Variants in CC2D2B observed in about 807,000 individuals in gnomAD.
CC2D2B encodes coiled-coil and C2 domain containing 2B, also known as protein CC2D2B.
A neutral mutation model predicts 161.2 loss-of-function variants in CC2D2B; 128 were observed. That is an observed-to-expected ratio of 0.79 (90% CI 0.69 to 0.92). The LOEUF is 0.92. Among genes scored for constraint, CC2D2B ranks in the 40% least tolerant of loss-of-function variants. The pLI is 0.00. For missense variants in CC2D2B, 1,173 were observed against 1,375.1 expected, an observed-to-expected ratio of 0.85 and a Z score of 2.32; for synonymous variants, 391 against 449.8, an observed-to-expected ratio of 0.87 and a Z score of 1.65.
At chr10:95,918,274 C>T (rs969370604) in intron 2 of CC2D2B, among the ~76,000 whole-genome samples, 1 of 152,056 alleles carries the variant, frequency 6.6e-6, no homozygotes, top group Admixed American at 6.5e-5. Context: ...TAAAGAAGTC[C>T]CTTTAACATT....
At chr10:96,016,964 C>T (rs1413018733) in intron 30 of CC2D2B, among the ~76,000 whole-genome samples, 1 of 152,094 alleles carries the variant, frequency 6.6e-6, no homozygotes, top group Non-Finnish European at 1.5e-5. Flanking sequence ...GTGATCCACC[C>T]GCCTTGGTCT....
chr10:96,012,477 T>C (rs1337551045), intron 27 of CC2D2B, 55 bp from the exon 28 acceptor site: 19 of 1,301,288 alleles, frequency 1.5e-5, no homozygotes, highest in African/African-American at 3.0e-5. Flanking sequence ...GTTCTTGATA[T>C]TTTCTTGTGA....
At chr10:96,019,460 G>C in intron 31 of CC2D2B, 123 bp downstream of exon 31, 1 of 1,057,230 alleles carries the variant, frequency 9.5e-7, no homozygotes, top group Non-Finnish European at 1.4e-6. Flanking sequence ...GCATGGGGCC[G>C]GGGCAATCTT....
intron 5 of CC2D2B, among the ~76,000 whole-genome samples, chr10:95,925,965 G>T (rs1410700359): frequency 6.6e-6 from 1 of 151,912 alleles, no homozygotes; most frequent in Non-Finnish European, 1.5e-5. Context: ...AATAGTTTCT[G>T]CCACAAGCAC....
Position 95,927,870 on chromosome 10 carries a change from T to C in CC2D2B, c.336+538T>C, listed in dbSNP as rs183299361. 2.5e-3 allele frequency among the ~76,000 whole-genome samples: 378 copies of C among 152,014 alleles called. 1 individual carries two copies. The highest frequency in any genetic ancestry group is 4.0e-3 in the Non-Finnish European group (269 of 67,936). On this transcript the variant is annotated intron_variant, in intron 6 of 34. Transcript: ENST00000646931. ...CCCTCAAACTGTGTAGTCTCCCTGT[T>C]TCCCTGGGGTTGCCCTTTCCTCCAG...
chr10:96,012,452 C>A, intron 27 of CC2D2B, 80 bp from the exon 28 acceptor site: 1 of 1,043,328 alleles, frequency 9.6e-7, no homozygotes, highest in Non-Finnish European at 1.4e-6. Flanking sequence ...TCAAAGATGG[C>A]AAAAATAAAC....
rs1034410297 is a variant in CC2D2B at position 95,911,360 on chromosome 10, G to A, written c.36+1G>A. The A allele has an allele frequency of 4.1e-6, 1 of 241,434 alleles. No individual in the cohort carries two copies. The highest frequency in any genetic ancestry group is 5.6e-5 in the Admixed American group (1 of 17,826). The allele number at this position is 241,434 out of a possible 1,614,324, so 15.0% of individuals were successfully genotyped here. A position where few individuals can be genotyped will look rare whatever the true frequency, so the allele number is the denominator to read the frequency against. On this transcript the variant is annotated splice_donor_variant, in intron 2 of 34. Transcript: ENST00000646931. LOFTEE classifies it high-confidence loss of function. The stretch of plus-strand genomic sequence containing the variant: ...TCAAAGAGAAGATATTTTTAAAAAG[G>A]TAAGGTATTAATGGAGTTTATAATA...
At chr10:95,992,157 G>A (rs188670639) in intron 21 of CC2D2B, among the ~76,000 whole-genome samples, 2 of 152,312 alleles carry the variant, frequency 1.3e-5, no homozygotes, top group East Asian at 3.9e-4. Context: ...ACTAATTCTA[G>A]TTTCAGAGCC....
chr10:95,925,140 T>C (rs2141182922), intron 5 of CC2D2B, among the ~76,000 whole-genome samples: 1 of 152,352 alleles, frequency 6.6e-6, no homozygotes, highest in African/African-American at 2.4e-5. Context: ...TTAAAGAGTT[T>C]ATTTGAACAG....
At chr10:95,999,842 G>A in intron 24 of CC2D2B, 2 of 482,276 alleles carry the variant, frequency 4.1e-6, no homozygotes, top group Admixed American at 2.3e-5. Context: ...CTCACAAAGG[G>A]TGCTTCTCTG....
At chr10:95,952,588 C>G (rs1201696699) in intron 10 of CC2D2B, among the ~76,000 whole-genome samples, 1 of 151,744 alleles carries the variant, frequency 6.6e-6, no homozygotes, top group Admixed American at 6.6e-5. Context: ...GTTATGTTGC[C>G]CAGGCTGGAC....
chr10:95,948,101 A>C lies in CC2D2B; in HGVS notation c.802-1795A>C, dbSNP rs146709295. Among the ~76,000 whole-genome samples, 6 of 152,286 alleles carry C rather than the reference A, an allele frequency of 3.9e-5. No homozygotes were observed. The East Asian group carries it at 1.2e-3, about 29-fold the overall frequency. On this transcript the variant is annotated intron_variant, in intron 9 of 34. Transcript: ENST00000646931. ...CACTCCACCAGCACACAATACTGAG[A>C]TAGATTACAATAGTTAATAGTAAGA...
chr10:95,943,293 T>C (rs1439470612), intron 9 of CC2D2B, among the ~76,000 whole-genome samples: 2 of 152,222 alleles, frequency 1.3e-5, no homozygotes, highest in Admixed American at 6.5e-5. Context: ...ATTGCTTCTC[T>C]CTGCTATCTC....
At chr10:95,992,049 CTA>C (rs199821384) in intron 21 of CC2D2B, among the ~76,000 whole-genome samples, 3,824 of 152,234 alleles carry the variant, frequency 0.025, 76 homozygotes, top group Middle Eastern at 0.058. Flanking sequence ...ATGCTGAACT[CTA>C]TTGTGTTTTA....
chr10:95,913,292 C>T (rs2098509866), intron 2 of CC2D2B: 2 of 181,774 alleles, frequency 1.1e-5, no homozygotes, highest in Admixed American at 1.2e-4. Context: ...GATAGGATCT[C>T]ATTCTTTTTT....
intron 6 of CC2D2B, among the ~76,000 whole-genome samples, chr10:95,934,873 T>TGTTTC (rs1388316787): frequency 6.6e-6 from 1 of 151,728 alleles, no homozygotes; most frequent in Non-Finnish European, 1.5e-5. Flanking sequence ...TTGTTTGTTT[T>TGTTTC]GTTTTGTTTT....
intron 25 of CC2D2B, among the ~76,000 whole-genome samples, chr10:96,004,938 T>G (rs976918468): frequency 1.3e-5 from 2 of 152,198 alleles, no homozygotes; most frequent in Non-Finnish European, 2.9e-5. Flanking sequence ...AACAAGACCT[T>G]GAAGAGTAAG....
intron 28 of CC2D2B, among the ~76,000 whole-genome samples, chr10:96,013,202 C>T (rs2079060311): frequency 6.6e-6 from 1 of 152,120 alleles, no homozygotes; most frequent in African/African-American, 2.4e-5. Flanking sequence ...ATTTGCACCC[C>T]TTTCTCCTTT....
intron 17 of CC2D2B, among the ~76,000 whole-genome samples, chr10:95,977,306 C>T (rs1399507118): frequency 1.3e-5 from 2 of 152,174 alleles, no homozygotes; most frequent in East Asian, 2.0e-4. Flanking sequence ...ACCTGGGAAG[C>T]GGTGATTGCA....
Sources: allele counts gnomAD v4.1 joint callset (sites outside exome capture counted in the v4.1 genomes callset), GRCh38; gene constraint gnomAD v4.1.1; transcripts MANE v1.5; gene names NCBI Gene and HGNC (gene_info 2026-07-23, HGNC 2026-07-21).